The following DNAAF11 variants were observed in gnomAD, a reference collection of about 807,000 sequenced individuals.
The protein encoded by DNAAF11 is dynein axonemal assembly factor 11.
Under a neutral mutation model 60.8 loss-of-function variants are expected in DNAAF11, and 45 were observed. That is an observed-to-expected ratio of 0.74 (90% CI 0.58 to 0.95). The LOEUF (loss-of-function observed/expected upper bound fraction) is 0.95, where lower values mean the gene tolerates loss of function less well. Ranked by LOEUF, DNAAF11 falls within the 40% of genes least tolerant of loss-of-function variation. The pLI is 0.00. For synonymous variants in DNAAF11, 191 were observed against 183.5 expected, an observed-to-expected ratio of 1.04 and a Z score of -0.33; for missense variants, 546 against 546.2, an observed-to-expected ratio of 1.00 and a Z score of 0.00.
chr8:132,592,946 T>C (rs1000694225), intron 10 of DNAAF11, among the ~76,000 whole-genome samples: 2 of 151,856 alleles, frequency 1.3e-5, no homozygotes, highest in Non-Finnish European at 2.9e-5. Context: ...ATCCTGCAAA[T>C]ACATATTAAA....
At chr8:132,605,265 T>C (rs1250277093) in intron 10 of DNAAF11, among the ~76,000 whole-genome samples, 1 of 152,214 alleles carries the variant, frequency 6.6e-6, no homozygotes, top group Non-Finnish European at 1.5e-5. Context: ...TCAGGTTCTC[T>C]GGCTCCAGAG....
intron 4 of DNAAF11, 85 bp from the exon 5 acceptor site, chr8:132,633,048 AAT>A (rs1820964896): frequency 1.3e-6 from 1 of 751,436 alleles, no homozygotes; most frequent in Admixed American, 2.4e-5. Context: ...TAGAAATAAT[AAT>A]ATACCCGATA....
At chr8:132,659,828 G>A (rs1260776168) in intron 2 of DNAAF11, among the ~76,000 whole-genome samples, 3 of 152,054 alleles carry the variant, frequency 2.0e-5, no homozygotes, top group Non-Finnish European at 4.4e-5. Context: ...CTTTCTTGCG[G>A]GGGGTGGGGG....
At chr8:132,650,284 C>T (rs1267442957) in intron 3 of DNAAF11, among the ~76,000 whole-genome samples, 3 of 151,960 alleles carry the variant, frequency 2.0e-5, no homozygotes, top group African/African-American at 4.8e-5. Context: ...AACCAAACAC[C>T]GCATGTTCTC....
chr8:132,623,369 AC>A (rs1309589689), intron 6 of DNAAF11, among the ~76,000 whole-genome samples: 7 of 152,138 alleles, frequency 4.6e-5, no homozygotes, highest in African/African-American at 1.7e-4. Context: ...TTTTTGTTTT[AC>A]AAAAAGACCC....
rs549073800 is a variant in DNAAF11 at position 132,658,472 on chromosome 8, G to A, written c.179-1565C>T. On this transcript the variant is annotated intron_variant, in intron 2 of 11. Coordinates refer to ENST00000620350, the MANE Select transcript of DNAAF11 (RefSeq NM_012472.6). ...TGAGTAGCTGGGACTACAGGCGCCC[G>A]CCACCACGCCTGGCTAATTTTTGTA... 4.6e-5 allele frequency among the ~76,000 whole-genome samples: 7 copies of A among 152,088 alleles called. No individual in the cohort carries two copies. The South Asian group carries it at 1.0e-3, about 23-fold the overall frequency.
the DNAAF11 span, among the ~76,000 whole-genome samples, chr8:132,680,926 T>C: frequency 6.7e-6 from 1 of 149,464 alleles, no homozygotes; most frequent in East Asian, 2.0e-4. Context: ...ATTAGGTTGG[T>C]GCAAAAGTAA....
intron 1 of DNAAF11, among the ~76,000 whole-genome samples, chr8:132,672,012 C>A (rs996321555): frequency 6.6e-6 from 1 of 152,036 alleles, no homozygotes; most frequent in East Asian, 1.9e-4. Flanking sequence ...AATTAAACTT[C>A]AAAATTTAAA....
rs1586505932 is a variant in DNAAF11 at position 132,592,062 on chromosome 8, GCCAATATCCT to G, written c.1141-8293_1141-8284del. 2.6e-5 allele frequency among the ~76,000 whole-genome samples: 4 copies of G among 152,128 alleles called. No homozygotes were observed. In the East Asian group the frequency reaches 7.7e-4, roughly 29 times the overall value. On this transcript the variant is annotated intron_variant, in intron 10 of 11. Transcript: ENST00000620350. ...TTGATGAACTAAGGTTTTCCAAATA[GCCAATATCCT>G]CCAATTTTATTATAAAATATGCATT...
rs544338818 is a variant in DNAAF11 at position 132,610,742 on chromosome 8, G to A, written c.1045-481C>T. Among the ~76,000 whole-genome samples, 13 of 152,208 alleles carry A rather than the reference G, an allele frequency of 8.5e-5. No individual in the cohort carries two copies. In the South Asian group the frequency reaches 2.7e-3, roughly 32 times the overall value. ...GGTTTGAAAAAAGTGTAACACAATA[G>A]ACACAGGTTTAAAATATTAATGATA... On this transcript the variant is annotated intron_variant, in intron 9 of 11. Coordinates refer to ENST00000620350, the MANE Select transcript of DNAAF11 (RefSeq NM_012472.6).
upstream of DNAAF11, chr8:132,675,614 C>G (rs926403680): frequency 5.5e-6 from 6 of 1,089,592 alleles, no homozygotes; most frequent in African/African-American, 6.5e-5. Flanking sequence ...GCAACGGGGA[C>G]TCTACGGCGG....
chr8:132,693,887 G>A, the DNAAF11 span, among the ~76,000 whole-genome samples: 2 of 152,176 alleles, frequency 1.3e-5, no homozygotes, highest in South Asian at 2.1e-4. Flanking sequence ...AGATGGAGCT[G>A]GAGCCACAGC....
chr8:132,578,522 A>G (rs1286574624), intron 11 of DNAAF11: 4 of 1,488,456 alleles, frequency 2.7e-6, no homozygotes, highest in Admixed American at 4.0e-5. Context: ...AATAGCTGGA[A>G]GACAAAATCA....
At chr8:132,686,112 A>G in the DNAAF11 span, among the ~76,000 whole-genome samples, 1 of 152,206 alleles carries the variant, frequency 6.6e-6, no homozygotes, top group Non-Finnish European at 1.5e-5. Context: ...ATAGAACGAG[A>G]GTGAAGAGCT....
In DNAAF11 at chr8:132,630,770, A is replaced by C. The variant is rs12545701; in HGVS notation, c.653+1970T>G. 1.2e-3 allele frequency among the ~76,000 whole-genome samples: 179 copies of C among 152,304 alleles called. 2 individuals are homozygous for C. The highest frequency in any genetic ancestry group is 8.7e-3 in the East Asian group (45 of 5,192). On this transcript the variant is annotated intron_variant, in intron 5 of 11. Transcript: ENST00000620350. ...ACCAATAAACATATAAAAGATATTT[A>C]AAATATTCAAATTCACTAGTAACTA...
At chr8:132,690,172 T>C in the DNAAF11 span, among the ~76,000 whole-genome samples, 1 of 152,226 alleles carries the variant, frequency 6.6e-6, no homozygotes, top group Non-Finnish European at 1.5e-5. Context: ...CTGTTTCCTC[T>C]GTTATTAAAA....
At chr8:132,667,195 T>C (rs1824721802) in intron 1 of DNAAF11, among the ~76,000 whole-genome samples, 1 of 152,232 alleles carries the variant, frequency 6.6e-6, no homozygotes, top group South Asian at 2.1e-4. Flanking sequence ...CATGAAAAGA[T>C]AATGTCAAAT....
chr8:132,637,219 A>T (rs4736598), intron 4 of DNAAF11, among the ~76,000 whole-genome samples: 1 of 152,100 alleles, frequency 6.6e-6, no homozygotes, highest in East Asian at 1.9e-4. Context: ...GTGAAATCTC[A>T]GGCCCCATGT....
intron 10 of DNAAF11, among the ~76,000 whole-genome samples, chr8:132,589,372 T>A (rs1473523648): frequency 1.3e-5 from 2 of 152,160 alleles, no homozygotes; most frequent in African/African-American, 4.8e-5. Context: ...TTTGCATAAG[T>A]GGTGATGAGA....
Sources: allele counts gnomAD v4.1 joint callset (sites outside exome capture counted in the v4.1 genomes callset), GRCh38; gene constraint gnomAD v4.1.1; transcripts MANE v1.5; gene names NCBI Gene and HGNC (gene_info 2026-07-23, HGNC 2026-07-21).